EPHA6: variants seen among roughly 807,000 people sequenced by gnomAD.
The protein encoded by EPHA6 is ephrin type-A receptor 6.
A neutral mutation model predicts 112.0 loss-of-function variants in EPHA6; 50 were observed. The ratio of observed to expected loss-of-function variants is 0.45; its 90% CI spans 0.36 to 0.56. The LOEUF (loss-of-function observed/expected upper bound fraction) is 0.56. Among genes scored for constraint, EPHA6 ranks in the 20% least tolerant of loss-of-function variants. The probability of loss-of-function intolerance (pLI) is 0.00; values close to 1 mark genes in which losing one functional copy is unlikely to be tolerated. For missense variants in EPHA6, 1,280 were observed against 1,417.4 expected (o/e 0.90, Z 1.56); for synonymous variants, 529 against 490.7 (o/e 1.08, Z -1.03).
At chr3:97,373,268 T>C (rs2085164728) in intron 5 of EPHA6, among the ~76,000 whole-genome samples, 1 of 152,152 alleles carries the variant, frequency 6.6e-6, no homozygotes, top group Admixed American at 6.6e-5. Flanking sequence ...TGAGATACAG[T>C]TTTCCATTTC....
At chr3:97,050,863 C>T (rs1053685189) in intron 3 of EPHA6, among the ~76,000 whole-genome samples, 1 of 152,122 alleles carries the variant, frequency 6.6e-6, no homozygotes, top group African/African-American at 2.4e-5. Context: ...ATATTTCAGG[C>T]TGATTATTTA....
At chr3:97,719,232 A>C (rs2034401648) in intron 14 of EPHA6, among the ~76,000 whole-genome samples, 1 of 151,984 alleles carries the variant, frequency 6.6e-6, no homozygotes, top group Admixed American at 6.6e-5. Context: ...CAGGCTTTGC[A>C]CACAGTGGGT....
intron 14 of EPHA6, among the ~76,000 whole-genome samples, chr3:97,639,334 T>C (rs1369405559): frequency 2.0e-5 from 3 of 152,040 alleles, no homozygotes; most frequent in Non-Finnish European, 4.4e-5. Context: ...ATAATTATTT[T>C]CATTTTTCTC....
intron 5 of EPHA6, among the ~76,000 whole-genome samples, chr3:97,387,442 A>T (rs1189293711): frequency 1.3e-5 from 2 of 152,032 alleles, no homozygotes; most frequent in Non-Finnish European, 2.9e-5. Context: ...TCTCAAGATC[A>T]AAGTTCAACA....
Position 96,876,170 on chromosome 3 carries a change from A to G in EPHA6, c.450+9281A>G, listed in dbSNP as rs979946844. Among the ~76,000 whole-genome samples the G allele has an allele frequency of 5.4e-5, 8 of 148,074 alleles. No homozygotes were observed. The South Asian group carries it at 6.4e-4, about 12-fold the overall frequency. Reference sequence around the variant, plus strand: ...TTTGTAGAGATGGGGAGGTCTTGCTATGTTGTGCAGACTGGTCTCAAACTC... The same window carrying G: ...TTTGTAGAGATGGGGAGGTCTTGCTGTGTTGTGCAGACTGGTCTCAAACTC... On this transcript the variant is annotated intron_variant, in intron 2 of 17. Transcript: ENST00000389672.
chr3:97,264,300 G>A (rs1187475037), intron 5 of EPHA6, among the ~76,000 whole-genome samples: 2 of 152,222 alleles, frequency 1.3e-5, no homozygotes, highest in East Asian at 1.9e-4. Context: ...GGCAAGAAGC[G>A]TGTGTGTGAG....
intron 3 of EPHA6, among the ~76,000 whole-genome samples, chr3:97,169,056 C>T (rs367593895): frequency 8.5e-5 from 13 of 152,200 alleles, no homozygotes; most frequent in Non-Finnish European, 1.6e-4. Context: ...TATTATACTT[C>T]GCAACACTTG....
chr3:97,578,003 A>G (rs2093403163), intron 11 of EPHA6, among the ~76,000 whole-genome samples: 1 of 152,132 alleles, frequency 6.6e-6, no homozygotes, highest in African/African-American at 2.4e-5. Flanking sequence ...ATAGAGTAAG[A>G]AGAATAGGCT....
intron 4 of EPHA6, among the ~76,000 whole-genome samples, chr3:97,243,696 C>A (rs1200028781): frequency 6.6e-6 from 1 of 151,642 alleles, no homozygotes. Context: ...ATATGTTTTA[C>A]AGATATCCTG....
intron 11 of EPHA6, among the ~76,000 whole-genome samples, chr3:97,564,965 T>C (rs1332844470): frequency 6.6e-6 from 1 of 151,996 alleles, no homozygotes; most frequent in Non-Finnish European, 1.5e-5. Flanking sequence ...GAAAAGGGAA[T>C]AGAAAATGAA....
At chr3:97,192,026 A>G (rs922241038) in intron 3 of EPHA6, among the ~76,000 whole-genome samples, 1 of 152,152 alleles carries the variant, frequency 6.6e-6, no homozygotes, top group African/African-American at 2.4e-5. Flanking sequence ...AAGTTATTTT[A>G]ACTGGGGTGA....
intron 14 of EPHA6, among the ~76,000 whole-genome samples, chr3:97,661,579 G>A (rs2094169883): frequency 6.6e-6 from 1 of 151,992 alleles, no homozygotes; most frequent in South Asian, 2.1e-4. Context: ...CACAAAACTG[G>A]GAGAATTGTA....
At chr3:97,329,631 G>A (rs1282196557) in intron 5 of EPHA6, among the ~76,000 whole-genome samples, 1 of 152,120 alleles carries the variant, frequency 6.6e-6, no homozygotes, top group Non-Finnish European at 1.5e-5. Context: ...AGAAGTGTCT[G>A]TTCATATCCT....
intron 10 of EPHA6, among the ~76,000 whole-genome samples, chr3:97,516,470 T>A (rs1279731004): frequency 6.6e-6 from 1 of 152,212 alleles, no homozygotes; most frequent in Non-Finnish European, 1.5e-5. Flanking sequence ...GAAGGTATGC[T>A]ATATATCAGG....
chr3:96,913,693 G>A (rs189800871), intron 2 of EPHA6, among the ~76,000 whole-genome samples: 1 of 152,106 alleles, frequency 6.6e-6, no homozygotes, highest in Admixed American at 6.6e-5. Flanking sequence ...TGTACTCTCC[G>A]TGTCTTTTAT....
At chr3:97,560,830 TG>T (rs1443314373) in intron 11 of EPHA6, among the ~76,000 whole-genome samples, 1 of 152,088 alleles carries the variant, frequency 6.6e-6, no homozygotes, top group Non-Finnish European at 1.5e-5. Flanking sequence ...TGAAGGTTTT[TG>T]GCAACATTGC....
chr3:97,318,610 G>A (rs1044218372), intron 5 of EPHA6, among the ~76,000 whole-genome samples: 1 of 151,898 alleles, frequency 6.6e-6, no homozygotes, highest in African/African-American at 2.4e-5. Context: ...CATGCTGCAT[G>A]AAACAAAAAT....
intron 3 of EPHA6, among the ~76,000 whole-genome samples, chr3:97,225,121 G>A (rs1348962485): frequency 1.3e-5 from 2 of 151,924 alleles, no homozygotes; most frequent in East Asian, 1.9e-4. Context: ...ACGCCCAGCT[G>A]ATCTTTTGTA....
chr3:97,710,259 A>G (rs1403989695), intron 14 of EPHA6, among the ~76,000 whole-genome samples: 2 of 152,168 alleles, frequency 1.3e-5, no homozygotes, highest in African/African-American at 4.8e-5. Context: ...GACCCCAAAC[A>G]GACTGCCTCT....
Sources: allele counts gnomAD v4.1 joint callset (sites outside exome capture counted in the v4.1 genomes callset), GRCh38; gene constraint gnomAD v4.1.1; transcripts MANE v1.5; gene names NCBI Gene and HGNC (gene_info 2026-07-23, HGNC 2026-07-21).